Variants in VASH1 observed in about 807,000 individuals in gnomAD.
VASH1 encodes tubulinyl-Tyr carboxypeptidase 1.
A neutral mutation model predicts 35.0 loss-of-function variants in VASH1; 16 were observed. That is an observed-to-expected ratio of 0.46 (90% confidence interval 0.31 to 0.70). VASH1 has a LOEUF of 0.70. Among genes scored for constraint, VASH1 ranks in the 30% least tolerant of loss-of-function variants. The pLI is 0.05. For missense variants in VASH1, 505 were observed against 510.7 expected, an observed-to-expected ratio of 0.99 and a Z score of 0.11; for synonymous variants, 214 against 200.9, an observed-to-expected ratio of 1.07 and a Z score of -0.55.
At chr14:76,766,202 G>T (rs1376940614) in intron 1 of VASH1, among the ~76,000 whole-genome samples, 1 of 152,196 alleles carries the variant, frequency 6.6e-6, no homozygotes, top group African/African-American at 2.4e-5. Context: ...GATGATGCCA[G>T]TATGTTATAG....
chr14:76,770,133 A>T, intron 2 of VASH1, 82 bp downstream of exon 2: 9 of 1,343,262 alleles, frequency 6.7e-6, no homozygotes, highest in Non-Finnish European at 9.4e-6. Context: ...GAGAGGTATC[A>T]GCAGAGCCGC....
rs2140192376 is a variant in VASH1 at position 76,779,611 on chromosome 14, G to A, written c.*593G>A. The stretch of plus-strand genomic sequence containing the variant: ...GGCCACATCTGCCCCAAGAGCATGA[G>A]CTCGTGGCTCAGGAGAGCCTTCAGG... On this transcript the variant is annotated 3_prime_UTR_variant, in exon 7 of 7. Transcript: ENST00000167106. The A allele has an allele frequency of 1.6e-6, 1 of 620,406 alleles. No individual in the cohort carries two copies. Among genetic ancestry groups the A allele is most frequent in the East Asian group, 2.7e-5 (1 of 36,706 alleles). The allele number at this position is 620,406 out of a possible 1,614,324, so 38.4% of individuals were successfully genotyped here.
chr14:76,761,493 C>CGGCT lies in VASH1; in HGVS notation c.-1321_-1318dup, dbSNP rs753512376. The CGGCT allele has an allele frequency of 1.1e-3, 170 of 152,884 alleles. No homozygotes were observed. The highest frequency in any genetic ancestry group is 6.8e-3 in the Middle Eastern group (2 of 292). The allele number at this position is 152,884 out of a possible 1,614,324, so 9.5% of individuals were successfully genotyped here. A position where few individuals can be genotyped will look rare whatever the true frequency, so the allele number is the denominator to read the frequency against. ...GCGGGCCGTAGTCGAGCCTGGTGGGCGGCTGGCTGGCAGGGGACGTGGTCG... is the reference window on the plus strand; with the variant it reads ...GCGGGCCGTAGTCGAGCCTGGTGGGCGGCTGGCTGGCTGGCAGGGGACGTGGTCG... On this transcript the variant is annotated 5_prime_UTR_variant, in exon 1 of 7. Coordinates refer to ENST00000167106, the MANE Select transcript of VASH1 (RefSeq NM_014909.5).
chr14:76,773,596 A>G, intron 4 of VASH1: 1 of 343,960 alleles, frequency 2.9e-6, no homozygotes. Flanking sequence ...TTTCCAGAAC[A>G]TGTTGATTTC....
chr14:76,768,406 G>A (rs1034579885), intron 1 of VASH1, among the ~76,000 whole-genome samples: 1 of 152,194 alleles, frequency 6.6e-6, no homozygotes, highest in Non-Finnish European at 1.5e-5. Flanking sequence ...CAGCCAGTGC[G>A]GTTGCTAGGG....
intron 5 of VASH1, among the ~76,000 whole-genome samples, chr14:76,777,425 G>A (rs1407085375): frequency 6.6e-6 from 1 of 152,224 alleles, no homozygotes; most frequent in Non-Finnish European, 1.5e-5. Context: ...AGCCTATTCA[G>A]TGCTAAACAC....
chr14:76,779,803 T>C lies in VASH1; in HGVS notation c.*785T>C. On this transcript the variant is annotated 3_prime_UTR_variant, in exon 7 of 7. Coordinates refer to ENST00000167106, the MANE Select transcript of VASH1 (RefSeq NM_014909.5). ...GCCCACAGGCTCCCTGCGGAGGGTC[T>C]GGGCTTGGCGGAGGACCCAGAATGG... is the stretch of plus-strand genomic sequence containing the variant. 2.1e-6 allele frequency: 1 copy of C among 483,762 alleles called. No homozygotes were observed. The highest frequency in any genetic ancestry group is 3.4e-5 in the East Asian group (1 of 29,708). The allele number at this position is 483,762 out of a possible 1,614,324, so 30.0% of individuals were successfully genotyped here.
In VASH1 at chr14:76,779,932, T is replaced by G. The variant is rs1050038475; in HGVS notation, c.*914T>G. The G allele has an allele frequency of 4.8e-5, 10 of 208,834 alleles. No individual in the cohort carries two copies. The highest frequency in any genetic ancestry group is 1.9e-4 in the African/African-American group (8 of 43,224). The allele number at this position is 208,834 out of a possible 1,614,324, so 12.9% of individuals were successfully genotyped here. ...GGGGCGGGATGCTTGGGCCTGGGTC[T>G]CTCCGCCAGCAGTGCCAGGAGCCCT... is the stretch of plus-strand genomic sequence containing the variant. On this transcript the variant is annotated 3_prime_UTR_variant, in exon 7 of 7. Transcript: ENST00000167106.
chr14:76,773,029 C>A, intron 3 of VASH1, 108 bp from the exon 4 acceptor site: 1 of 1,054,034 alleles, frequency 9.5e-7, no homozygotes. Context: ...GCTTAGGGGG[C>A]AGCCTCTGTC....
rs1412988271 is a variant in VASH1 at position 76,761,488 on chromosome 14, G to A, written c.-1334G>A. ...GCGGCGCGGGCCGTAGTCGAGCCTG[G>A]TGGGCGGCTGGCTGGCAGGGGACGT... is the stretch of plus-strand genomic sequence containing the variant. On this transcript the variant is annotated 5_prime_UTR_variant, in exon 1 of 7. The change creates a new upstream start codon in the 5' untranslated region. Coordinates refer to ENST00000167106, the MANE Select transcript of VASH1 (RefSeq NM_014909.5). 4 of 152,810 alleles carry A rather than the reference G, an allele frequency of 2.6e-5. No homozygotes were observed. The highest frequency in any genetic ancestry group is 5.9e-5 in the Non-Finnish European group (4 of 68,120). The allele number at this position is 152,810 out of a possible 1,614,324, so 9.5% of individuals were successfully genotyped here. A position where few individuals can be genotyped will look rare whatever the true frequency, so the allele number is the denominator to read the frequency against.
chr14:76,770,504 G>C (rs762047096), intron 2 of VASH1, among the ~76,000 whole-genome samples: 2 of 152,192 alleles, frequency 1.3e-5, no homozygotes, highest in Non-Finnish European at 2.9e-5. Context: ...GTAACTTCAG[G>C]ATCCTAGAAT....
chr14:76,778,893 TCTCC>T, intron 6 of VASH1, 49 bp from the exon 7 acceptor site: 1 of 1,579,690 alleles, frequency 6.3e-7, no homozygotes, highest in East Asian at 2.2e-5. Flanking sequence ...CCCAACTCCA[TCTCC>T]CTAACAGACC....
intron 1 of VASH1, among the ~76,000 whole-genome samples, chr14:76,766,079 A>T (rs1206010431): frequency 6.6e-6 from 1 of 152,208 alleles, no homozygotes; most frequent in Non-Finnish European, 1.5e-5. Flanking sequence ...GGAATTAATG[A>T]TGCAAAGCAT....
Position 76,770,039 on chromosome 14 carries a change from T to G in VASH1, c.386T>G (p.Ile129Ser). The change falls in exon 2 of 7, where the codon ATC becomes AGC. Residue 129 changes from isoleucine to serine, a missense_variant. Coordinates refer to ENST00000167106, the MANE Select transcript of VASH1 (RefSeq NM_014909.5). ...PERLEAVQRY[I>S]RELQYNHTGT... Reference sequence around the variant, plus strand: ...CGCCTGGAAGCTGTGCAGCGCTACATCAGAGAGCTGCAGTATCCTCTCTGG... The same window carrying G: ...CGCCTGGAAGCTGTGCAGCGCTACAGCAGAGAGCTGCAGTATCCTCTCTGG... 1 of 1,613,674 alleles carries G rather than the reference T, an allele frequency of 6.2e-7. No individual in the cohort carries two copies. The highest frequency in any genetic ancestry group is 8.5e-7 in the Non-Finnish European group (1 of 1,179,714).
At chr14:76,769,709 T>C (rs929022536) in intron 1 of VASH1, among the ~76,000 whole-genome samples, 3 of 152,194 alleles carry the variant, frequency 2.0e-5, no homozygotes, top group Admixed American at 6.5e-5. Context: ...TAAAGAAGCA[T>C]AAAATTGGAA....
At chr14:76,772,073 C>G (rs1893807988) in intron 3 of VASH1, among the ~76,000 whole-genome samples, 1 of 152,138 alleles carries the variant, frequency 6.6e-6, no homozygotes, top group African/African-American at 2.4e-5. Context: ...AACCCCATCT[C>G]TACTAAAAAT....
rs2140195061 is a variant in VASH1, at chr14:76,781,392, T to A, written c.*2374T>A. ...TGTTCCTACTATGCCTAAGAAGAGA[T>A]GGCTCACCTTGGGAGGTGCCAGGCT... is the stretch of plus-strand genomic sequence containing the variant. On this transcript the variant is annotated 3_prime_UTR_variant, in exon 7 of 7. Coordinates refer to ENST00000167106, the MANE Select transcript of VASH1 (RefSeq NM_014909.5). 1 of 152,338 alleles carries A rather than the reference T, an allele frequency of 6.6e-6. No individual in the cohort carries two copies. The highest frequency in any genetic ancestry group is 2.4e-5 in the African/African-American group (1 of 41,548). The allele number at this position is 152,338 out of a possible 1,614,324, so 9.4% of individuals were successfully genotyped here. A position where few individuals can be genotyped will look rare whatever the true frequency, so the allele number is the denominator to read the frequency against.
Position 76,773,679 on chromosome 14 carries a change from C to T in VASH1, c.530+468C>T, listed in dbSNP as rs193023370. ...AAACAAGGTTTTCCAGTCACACCCCCGCCTCCAACCCAAAGGGCAGAAGTG... is the reference window on the plus strand; with the variant it reads ...AAACAAGGTTTTCCAGTCACACCCCTGCCTCCAACCCAAAGGGCAGAAGTG... On this transcript the variant is annotated intron_variant, in intron 4 of 6. Coordinates refer to ENST00000167106, the MANE Select transcript of VASH1 (RefSeq NM_014909.5). 9.7e-5 allele frequency: 16 copies of T among 164,992 alleles called. No individual in the cohort carries two copies. In the East Asian group the frequency reaches 2.0e-3, roughly 20 times the overall value. 10.2% of individuals were successfully genotyped at this position (164,992 alleles called of 1,614,324 possible).
rs1302018083 is a variant in VASH1, at chr14:76,782,781, CAAGA to C, written c.*3764_*3767del. 4 of 152,786 alleles carry C rather than the reference CAAGA, an allele frequency of 2.6e-5. No individual in the cohort carries two copies. Among genetic ancestry groups the C allele is most frequent in the Non-Finnish European group, 5.9e-5 (4 of 68,124 alleles). 9.5% of individuals were successfully genotyped at this position (152,786 alleles called of 1,614,324 possible). ...CAAGTTTCCTTTTCATCAAATCTGACAAGAGAGAAGAAACATGGGTGTGCTTGGC... is the reference window on the plus strand; with the variant it reads ...CAAGTTTCCTTTTCATCAAATCTGACGAGAAGAAACATGGGTGTGCTTGGC... On this transcript the variant is annotated 3_prime_UTR_variant, in exon 7 of 7. Coordinates refer to ENST00000167106, the MANE Select transcript of VASH1 (RefSeq NM_014909.5).
Sources: allele counts gnomAD v4.1 joint callset (sites outside exome capture counted in the v4.1 genomes callset), GRCh38; gene constraint gnomAD v4.1.1; transcripts MANE v1.5; gene names NCBI Gene and HGNC (gene_info 2026-07-23, HGNC 2026-07-21).